Variants in TMEM232 observed in about 807,000 individuals in gnomAD.
TMEM232 encodes the protein transmembrane protein 232.
Under a neutral mutation model 78.8 loss-of-function variants are expected in TMEM232, and 80 were observed. The observed-to-expected ratio is 1.01, with a 90% CI of 0.85 to 1.22. TMEM232 has a LOEUF of 1.22. TMEM232 is among the 50% of genes most tolerant of loss of function. The probability of loss-of-function intolerance (pLI) is 0.00; values close to 1 mark genes in which losing one functional copy is unlikely to be tolerated. For synonymous variants in TMEM232, 297 were observed against 254.3 expected (o/e 1.17, Z -1.60); for missense variants, 881 against 742.2 (o/e 1.19, Z -2.17).
At chr5:110,710,877 C>G (rs1422954311) in intron 1 of TMEM232, among the ~76,000 whole-genome samples, 1 of 152,126 alleles carries the variant, frequency 6.6e-6, no homozygotes, top group Admixed American at 6.5e-5. Context: ...CCCACTTTCA[C>G]CACTGTTATT....
At chr5:110,593,299 T>G (rs1464679941) in intron 10 of TMEM232, among the ~76,000 whole-genome samples, 1 of 152,200 alleles carries the variant, frequency 6.6e-6, no homozygotes, top group Non-Finnish European at 1.5e-5. Flanking sequence ...TGTAGATGAT[T>G]AGCAGAAAGA....
chr5:110,479,755 C>T (rs938386648), intron 12 of TMEM232, among the ~76,000 whole-genome samples: 3 of 151,728 alleles, frequency 2.0e-5, no homozygotes, highest in African/African-American at 7.2e-5. Flanking sequence ...TTTCAAAATA[C>T]AGCTGTTGTC....
At chr5:110,687,565 G>C (rs1793571280) in intron 1 of TMEM232, among the ~76,000 whole-genome samples, 1 of 151,998 alleles carries the variant, frequency 6.6e-6, no homozygotes, top group Admixed American at 6.6e-5. Flanking sequence ...CAAACTCATA[G>C]GGACTATCCA....
chr5:110,738,068 C>A (rs1561592681), exon 1 of TMEM232: 1 of 304,310 alleles, frequency 3.3e-6, no homozygotes, highest in African/African-American at 2.2e-5. Context: ...AGTTGATTAT[C>A]ACTCTCAATC....
rs148539643 is a variant in TMEM232 at position 110,620,955 on chromosome 5, T to C, written c.769-2393A>G. ...TTGGCTCACTGCAACCTCCGCCTCC[T>C]GGGTTCAGGCAATTCTCCTGTCTCA... On this transcript the variant is annotated intron_variant, in intron 7 of 13. Transcript: ENST00000455884. 9.8e-3 allele frequency among the ~76,000 whole-genome samples: 1,401 copies of C among 142,866 alleles called. 31 individuals are homozygous for C. The highest frequency in any genetic ancestry group is 0.034 in the African/African-American group (1,308 of 38,014). 93.7% of individuals were successfully genotyped at this position (142,866 alleles called of 152,430 possible).
chr5:110,535,506 G>A (rs1417921895), intron 11 of TMEM232, among the ~76,000 whole-genome samples: 1 of 152,104 alleles, frequency 6.6e-6, no homozygotes, highest in African/African-American at 2.4e-5. Context: ...TCACATGGAC[G>A]CGCATGAAGT....
chr5:110,484,338 A>T (rs185707509), intron 12 of TMEM232, among the ~76,000 whole-genome samples: 31 of 152,264 alleles, frequency 2.0e-4, no homozygotes, highest in African/African-American at 7.5e-4. Context: ...GAAAAATCGA[A>T]AAAATATAAT....
intron 2 of TMEM232, among the ~76,000 whole-genome samples, chr5:110,642,821 G>T: frequency 6.6e-6 from 1 of 152,230 alleles, no homozygotes; most frequent in South Asian, 2.1e-4. Context: ...AGAAGTATAA[G>T]TATGAAGTAA....
At chr5:110,434,685 CATAG>C (rs1020493144) in intron 12 of TMEM232, among the ~76,000 whole-genome samples, 6 of 152,160 alleles carry the variant, frequency 3.9e-5, no homozygotes, top group Non-Finnish European at 8.8e-5. Flanking sequence ...CTCTGATGAA[CATAG>C]ATAGAAAAAT....
chr5:110,650,846 A>G (rs1213297977), intron 2 of TMEM232, among the ~76,000 whole-genome samples: 2 of 152,178 alleles, frequency 1.3e-5, no homozygotes, highest in Non-Finnish European at 2.9e-5. Context: ...ACATGGTTCA[A>G]TATTGCGACA....
intron 12 of TMEM232, among the ~76,000 whole-genome samples, chr5:110,459,778 C>T (rs539369266): frequency 3.3e-5 from 5 of 152,112 alleles, no homozygotes; most frequent in East Asian, 1.9e-4. Flanking sequence ...AACCAGGTGG[C>T]GAAAATTTAA....
chr5:110,472,104 C>T (rs1287937844), intron 12 of TMEM232, among the ~76,000 whole-genome samples: 4 of 151,880 alleles, frequency 2.6e-5, no homozygotes, highest in African/African-American at 9.7e-5. Context: ...AGGAGGAAGT[C>T]GAACTGTCCT....
At chr5:110,450,490 A>T (rs983649067) in intron 12 of TMEM232, among the ~76,000 whole-genome samples, 2 of 152,010 alleles carry the variant, frequency 1.3e-5, no homozygotes, top group South Asian at 2.1e-4. Context: ...CAATCTTATT[A>T]ACTATTGCGA....
chr5:110,406,307 T>A (rs930832178), intron 2 of TMEM232, among the ~76,000 whole-genome samples: 1 of 85,896 alleles, frequency 1.2e-5, no homozygotes, highest in African/African-American at 2.9e-5. Flanking sequence ...CACACACACA[T>A]ATGTGTCTAT....
At position 110,558,820 on chromosome 5, in the gene TMEM232, C is replaced by G. The variant is rs537479068; in HGVS notation, c.1455+9627G>C. On this transcript the variant is annotated intron_variant, in intron 11 of 13. Transcript: ENST00000455884. ...CAAATGTCCGTGGGGATTATGGGGT[C>G]TCCTGCAGCTAGGAATCTACAGGTC... Among the ~76,000 whole-genome samples the G allele has an allele frequency of 2.6e-5, 4 of 152,292 alleles. No homozygotes were observed. In the South Asian group the frequency reaches 6.2e-4, roughly 24 times the overall value.
intron 1 of TMEM232, among the ~76,000 whole-genome samples, chr5:110,715,009 T>C (rs1796873578): frequency 6.6e-6 from 1 of 152,154 alleles, no homozygotes; most frequent in Admixed American, 6.5e-5. Flanking sequence ...AATTTAAATA[T>C]GAATAAGACA....
intron 2 of TMEM232, among the ~76,000 whole-genome samples, chr5:110,648,403 T>C (rs1365677673): frequency 6.6e-6 from 1 of 152,054 alleles, no homozygotes; most frequent in Non-Finnish European, 1.5e-5. Flanking sequence ...CACAACTTTA[T>C]ATATATCCAA....
intron 2 of TMEM232, among the ~76,000 whole-genome samples, chr5:110,650,928 C>T (rs1788216272): frequency 6.6e-6 from 1 of 152,088 alleles, no homozygotes; most frequent in Non-Finnish European, 1.5e-5. Context: ...ACTCTCTGTA[C>T]TATCTTCTTA....
chr5:110,397,566 A>G (rs1755436199), intron 3 of TMEM232, among the ~76,000 whole-genome samples: 1 of 152,182 alleles, frequency 6.6e-6, no homozygotes, highest in Non-Finnish European at 1.5e-5. Flanking sequence ...AACACTTGTT[A>G]TAATTTTGCA....
Sources: gnomAD v4.1 joint callset for allele counts (sites outside exome capture counted in the v4.1 genomes callset) on GRCh38, gnomAD v4.1.1 for gene constraint, MANE v1.5 for transcripts, NCBI Gene and HGNC (gene_info 2026-07-23, HGNC 2026-07-21) for gene names.